The following CCDC85A variants were observed in gnomAD, a reference collection of about 807,000 sequenced individuals.
The protein encoded by CCDC85A is coiled-coil domain containing 85A.
In CCDC85A, 38 loss-of-function variants were observed where a neutral mutation model predicts 50.2. That is an observed-to-expected ratio of 0.76 (90% CI 0.58 to 0.99). The LOEUF (loss-of-function observed/expected upper bound fraction) is 0.99, where lower values mean the gene tolerates loss of function less well. Among genes scored for constraint, CCDC85A ranks in the 50% least tolerant of loss-of-function variants. The pLI, the probability that CCDC85A is intolerant of heterozygous loss-of-function variation, is 0.00. For synonymous variants in CCDC85A, 366 were observed against 301.4 expected (o/e 1.21, Z -2.22); for missense variants, 820 against 742.0 (o/e 1.11, Z -1.22).
intron 2 of CCDC85A, among the ~76,000 whole-genome samples, chr2:56,200,689 T>C (rs1676696771): frequency 6.6e-6 from 1 of 152,212 alleles, no homozygotes; most frequent in East Asian, 1.9e-4. Context: ...GCAGGTTACA[T>C]TGTCATTCTT....
intron 3 of CCDC85A, among the ~76,000 whole-genome samples, chr2:56,346,380 A>C (rs1674632373): frequency 6.6e-6 from 1 of 152,204 alleles, no homozygotes; most frequent in African/African-American, 2.4e-5. Context: ...TTATACATAT[A>C]CAAAATGTTC....
intron 2 of CCDC85A, among the ~76,000 whole-genome samples, chr2:56,336,211 A>G (rs1296107425): frequency 3.3e-5 from 5 of 151,672 alleles, no homozygotes; most frequent in East Asian, 3.9e-4. Flanking sequence ...CTGGAGTGCA[A>G]TGACACTGTC....
At chr2:56,352,591 C>T (rs1675010463) in intron 3 of CCDC85A, among the ~76,000 whole-genome samples, 1 of 152,210 alleles carries the variant, frequency 6.6e-6, no homozygotes, top group Non-Finnish European at 1.5e-5. Flanking sequence ...AGTGATCCTC[C>T]TCCCTTGGCC....
At chr2:56,312,383 T>C (rs1351696939) in intron 2 of CCDC85A, among the ~76,000 whole-genome samples, 1 of 152,102 alleles carries the variant, frequency 6.6e-6, no homozygotes, top group Non-Finnish European at 1.5e-5. Flanking sequence ...TAATGTTTAT[T>C]ATAGTGACTC....
intron 3 of CCDC85A, among the ~76,000 whole-genome samples, chr2:56,368,200 A>G (rs1306169855): frequency 6.6e-6 from 1 of 152,200 alleles, no homozygotes; most frequent in Non-Finnish European, 1.5e-5. Flanking sequence ...TTACATCAGC[A>G]TTGAATAGAT....
intron 2 of CCDC85A, among the ~76,000 whole-genome samples, chr2:56,329,717 GA>G (rs2104288059): frequency 6.6e-6 from 1 of 152,048 alleles, no homozygotes; most frequent in East Asian, 1.9e-4. Context: ...TAAATTCAAT[GA>G]ATTTATTTAT....
chr2:56,334,865 G>C (rs540035096), intron 2 of CCDC85A, among the ~76,000 whole-genome samples: 90 of 152,246 alleles, frequency 5.9e-4, no homozygotes, highest in Non-Finnish European at 1.1e-3. Context: ...CAAACTGAAA[G>C]GATTTCTGCA....
intron 2 of CCDC85A, among the ~76,000 whole-genome samples, chr2:56,313,567 G>A (rs1672789727): frequency 6.6e-6 from 1 of 152,138 alleles, no homozygotes; most frequent in South Asian, 2.1e-4. Flanking sequence ...AGACCATGGT[G>A]CAACAAAGAG....
chr2:56,189,484 T>C lies in CCDC85A; in HGVS notation c.277-2993T>C, dbSNP rs148860765. On this transcript the variant is annotated intron_variant, in intron 1 of 5. Transcript: ENST00000407595. ...TTTTTGTATTTTTAGTAGAGACAGG[T>C]TTCACCACGTTGGCCAGACTGGTCT... Among the ~76,000 whole-genome samples the C allele has an allele frequency of 7.1e-3, 1,074 of 151,858 alleles. 9 individuals are homozygous for C. Among genetic ancestry groups the C allele is most frequent in the African/African-American group, 0.025 (1,014 of 41,368 alleles).
At chr2:56,285,383 C>T (rs894154435) in intron 2 of CCDC85A, among the ~76,000 whole-genome samples, 1 of 149,716 alleles carries the variant, frequency 6.7e-6, no homozygotes, top group Non-Finnish European at 1.5e-5. Context: ...GGATTATAGG[C>T]GTGAGCCAAC....
In CCDC85A at chr2:56,385,134, G is replaced by A. The variant is rs935898225; in HGVS notation, c.*779G>A. The A allele has an allele frequency of 6.6e-6, 1 of 151,628 alleles. No homozygotes were observed. Among genetic ancestry groups the A allele is most frequent in the Non-Finnish European group, 1.5e-5 (1 of 67,706 alleles). The allele number at this position is 151,628 out of a possible 1,614,324, so 9.4% of individuals were successfully genotyped here. ...TTCATATTCATTCAGTGTATCCATT[G>A]GTGTTAATATTAACAATTTCAACTA... On this transcript the variant is annotated 3_prime_UTR_variant, in exon 6 of 6. Coordinates refer to ENST00000407595, the MANE Select transcript of CCDC85A (RefSeq NM_001080433.2).
intron 3 of CCDC85A, among the ~76,000 whole-genome samples, chr2:56,351,399 C>T (rs1246744608): frequency 4.1e-5 from 6 of 146,840 alleles, no homozygotes; most frequent in African/African-American, 7.6e-5. Flanking sequence ...ATGGTATTTC[C>T]AGTTCTAGAT....
intron 2 of CCDC85A, among the ~76,000 whole-genome samples, chr2:56,318,813 G>A (rs141552946): frequency 4.4e-4 from 67 of 152,188 alleles, no homozygotes; most frequent in African/African-American, 1.6e-3. Flanking sequence ...GATTCCCAAT[G>A]CTTATGTTTA....
chr2:56,313,526 G>C (rs1000209513), intron 2 of CCDC85A, among the ~76,000 whole-genome samples: 4 of 151,978 alleles, frequency 2.6e-5, no homozygotes, highest in African/African-American at 9.7e-5. Flanking sequence ...CTTTTTCCAG[G>C]CTCTTGCTTT....
chr2:56,309,534 G>T, intron 2 of CCDC85A, among the ~76,000 whole-genome samples: 1 of 152,178 alleles, frequency 6.6e-6, no homozygotes, highest in East Asian at 1.9e-4. Flanking sequence ...ATTGTGTATA[G>T]TGTTTGGTGA....
intron 2 of CCDC85A, among the ~76,000 whole-genome samples, chr2:56,241,459 A>G (rs977634025): frequency 2.0e-5 from 3 of 151,812 alleles, no homozygotes; most frequent in African/African-American, 7.3e-5. Context: ...ACCATCCCCA[A>G]TTCCCCCTCC....
At chr2:56,317,110 A>C (rs911374289) in intron 2 of CCDC85A, among the ~76,000 whole-genome samples, 1 of 152,102 alleles carries the variant, frequency 6.6e-6, no homozygotes, top group African/African-American at 2.4e-5. Context: ...GGCAAAGTGG[A>C]AGATTTTTCT....
At chr2:56,189,258 T>C (rs1676188449) in intron 1 of CCDC85A, among the ~76,000 whole-genome samples, 1 of 149,390 alleles carries the variant, frequency 6.7e-6, no homozygotes, top group African/African-American at 2.5e-5. Flanking sequence ...TGGGGATTGA[T>C]AAACAGGAGA....
intron 2 of CCDC85A, among the ~76,000 whole-genome samples, chr2:56,269,281 C>T (rs1414971824): frequency 2.0e-5 from 3 of 152,018 alleles, no homozygotes; most frequent in Non-Finnish European, 4.4e-5. Flanking sequence ...AGCTCTACTG[C>T]TCTTTAGCTG....
Sources: gnomAD v4.1 joint callset for allele counts (sites outside exome capture counted in the v4.1 genomes callset) on GRCh38, gnomAD v4.1.1 for gene constraint, MANE v1.5 for transcripts, NCBI Gene and HGNC (gene_info 2026-07-23, HGNC 2026-07-21) for gene names.